Variants in CAB39L observed in about 807,000 individuals in gnomAD.
The protein encoded by CAB39L is calcium-binding protein 39-like.
Under a neutral mutation model 39.1 loss-of-function variants are expected in CAB39L, and 23 were observed. The ratio of observed to expected loss-of-function variants is 0.59; its 90% CI spans 0.42 to 0.83. The LOEUF (loss-of-function observed/expected upper bound fraction) is 0.83, where lower values mean the gene tolerates loss of function less well. Ranked by LOEUF, CAB39L falls within the 40% of genes least tolerant of loss-of-function variation. The probability of loss-of-function intolerance (pLI) is 0.00; values close to 1 mark genes in which losing one functional copy is unlikely to be tolerated. For missense variants in CAB39L, 366 were observed against 391.9 expected, an observed-to-expected ratio of 0.93 and a Z score of 0.56; for synonymous variants, 126 against 137.2, an observed-to-expected ratio of 0.92 and a Z score of 0.57.
chr13:49,334,735 A>G (rs907602626), intron 9 of CAB39L, among the ~76,000 whole-genome samples: 1 of 152,224 alleles, frequency 6.6e-6, no homozygotes, highest in Non-Finnish European at 1.5e-5. Flanking sequence ...TCCAGAGCAC[A>G]ATACAGTAAC....
intron 7 of CAB39L, among the ~76,000 whole-genome samples, chr13:49,348,201 T>C (rs1425039854): frequency 1.3e-5 from 2 of 152,130 alleles, no homozygotes; most frequent in African/African-American, 4.8e-5. Context: ...GCATTGCGGT[T>C]CCTTTCCTCT....
chr13:49,310,784 G>T lies in CAB39L; in HGVS notation c.*30C>A, dbSNP rs766297188. 1.9e-6 allele frequency: 3 copies of T among 1,606,328 alleles called. No individual in the cohort carries two copies. The highest frequency in any genetic ancestry group is 1.1e-5 in the South Asian group (1 of 90,376). On this transcript the variant is annotated 3_prime_UTR_variant, in exon 11 of 11. Coordinates refer to ENST00000409308, the MANE Select transcript of CAB39L (RefSeq NM_001079670.3). The stretch of plus-strand genomic sequence containing the variant: ...ACTGTACAAACTGGACAAATGAGAC[G>T]ACTGACTGTGACAGGGGCCGGGGAG...
In CAB39L at chr13:49,309,226, G is replaced by A. The variant is rs1191622087; in HGVS notation, c.*1588C>T. ...GCCTCCTGCAAGGGCACTGGCCAGGGAGGCCACAGCTGCCAAAGCGGGGAG... is the reference window on the plus strand; with the variant it reads ...GCCTCCTGCAAGGGCACTGGCCAGGAAGGCCACAGCTGCCAAAGCGGGGAG... On this transcript the variant is annotated 3_prime_UTR_variant, in exon 11 of 11. Coordinates refer to ENST00000409308, the MANE Select transcript of CAB39L (RefSeq NM_001079670.3). The A allele has an allele frequency of 6.6e-6, 1 of 152,234 alleles. No homozygotes were observed. The highest frequency in any genetic ancestry group is 6.6e-5 in the Admixed American group (1 of 15,266). 9.4% of individuals were successfully genotyped at this position (152,234 alleles called of 1,614,324 possible).
At chr13:49,396,569 G>C (rs891441295) in intron 3 of CAB39L, among the ~76,000 whole-genome samples, 8 of 152,030 alleles carry the variant, frequency 5.3e-5, no homozygotes, top group Admixed American at 5.2e-4. Flanking sequence ...TTAGCCGGGT[G>C]TGGTGGCAGG....
chr13:49,422,937 AC>A (rs971325406), intron 3 of CAB39L, among the ~76,000 whole-genome samples: 4 of 152,342 alleles, frequency 2.6e-5, no homozygotes. Flanking sequence ...ATGAGATGAT[AC>A]TAGGTCATTT....
chr13:49,311,047 G>A lies in CAB39L; in HGVS notation c.835-54C>T, dbSNP rs555230324. 56 of 1,535,954 alleles carry A rather than the reference G, an allele frequency of 3.6e-5. No individual in the cohort carries two copies. In the East Asian group the frequency reaches 5.9e-4, roughly 16 times the overall value. Reference sequence around the variant, plus strand: ...AGTGCAAGCCAGGGACCTCACCCACGCTACAGCAGTGCAGGCCAGGGACCT... The same window carrying A: ...AGTGCAAGCCAGGGACCTCACCCACACTACAGCAGTGCAGGCCAGGGACCT... On this transcript the variant is annotated intron_variant, in intron 10 of 10. Transcript: ENST00000409308.
intron 7 of CAB39L, 150 bp downstream of exon 7, chr13:49,350,594 A>G (rs1326867091): frequency 3.6e-6 from 2 of 562,058 alleles, no homozygotes; most frequent in Admixed American, 5.9e-5. Flanking sequence ...ACTGCATTCT[A>G]TTTACAGATT....
intron 5 of CAB39L, among the ~76,000 whole-genome samples, chr13:49,375,780 G>C (rs1355457725): frequency 7.0e-6 from 1 of 142,898 alleles, no homozygotes; most frequent in Non-Finnish European, 1.5e-5. Flanking sequence ...ATGTACCCTA[G>C]AACTTAAAGT....
intron 3 of CAB39L, among the ~76,000 whole-genome samples, chr13:49,421,599 C>T (rs1371036166): frequency 6.6e-6 from 1 of 152,050 alleles, no homozygotes; most frequent in African/African-American, 2.4e-5. Flanking sequence ...GGACTTTCAC[C>T]ACCACTTAGC....
chr13:49,349,620 C>T (rs951615565), intron 7 of CAB39L, among the ~76,000 whole-genome samples: 1 of 151,792 alleles, frequency 6.6e-6, no homozygotes, highest in African/African-American at 2.4e-5. Context: ...TGAAGAAAAT[C>T]ATATCTATTT....
At chr13:49,318,047 C>CA (rs1303004608) in intron 10 of CAB39L, among the ~76,000 whole-genome samples, 1 of 151,990 alleles carries the variant, frequency 6.6e-6, no homozygotes, top group East Asian at 1.9e-4. Context: ...AAATGCAAGT[C>CA]AAAATCACAA....
chr13:49,397,248 TAAC>T (rs1364803996), intron 3 of CAB39L, among the ~76,000 whole-genome samples: 1 of 152,138 alleles, frequency 6.6e-6, no homozygotes, highest in East Asian at 1.9e-4. Context: ...AAAGTATAAA[TAAC>T]AACTTTCACT....
intron 10 of CAB39L, among the ~76,000 whole-genome samples, chr13:49,324,282 A>G (rs1954437126): frequency 6.6e-6 from 1 of 152,136 alleles, no homozygotes; most frequent in Non-Finnish European, 1.5e-5. Context: ...ACACCACTGC[A>G]CTCAAGCCTG....
intron 6 of CAB39L, among the ~76,000 whole-genome samples, chr13:49,355,536 G>T (rs1955460954): frequency 6.6e-6 from 1 of 152,002 alleles, no homozygotes; most frequent in African/African-American, 2.4e-5. Context: ...GAAATTTCAG[G>T]TCTTTGTCAG....
intron 3 of CAB39L, among the ~76,000 whole-genome samples, chr13:49,392,571 G>A (rs1332088824): frequency 2.0e-5 from 3 of 152,086 alleles, no homozygotes; most frequent in African/African-American, 7.2e-5. Context: ...AATCCGGGAG[G>A]CAGAGGTTGC....
intron 10 of CAB39L, among the ~76,000 whole-genome samples, chr13:49,313,229 C>T (rs556911116): frequency 6.6e-6 from 1 of 152,222 alleles, no homozygotes; most frequent in South Asian, 2.1e-4. Context: ...TGCCTGTAAT[C>T]CTAGTACTTT....
At chr13:49,374,073 A>G (rs1164484384) in intron 5 of CAB39L, among the ~76,000 whole-genome samples, 1 of 152,218 alleles carries the variant, frequency 6.6e-6, no homozygotes, top group Non-Finnish European at 1.5e-5. Flanking sequence ...ACTCCTTTTC[A>G]TTCATTCATT....
chr13:49,368,896 G>C (rs1008981155), intron 5 of CAB39L, among the ~76,000 whole-genome samples: 1 of 151,870 alleles, frequency 6.6e-6, no homozygotes, highest in African/African-American at 2.4e-5. Context: ...ATGAGAAAAG[G>C]GAAATGAGAA....
chr13:49,379,693 A>G lies in CAB39L; in HGVS notation c.112-2562T>C, dbSNP rs1490771616. On this transcript the variant is annotated intron_variant, in intron 4 of 10. Transcript: ENST00000409308. ...TGAGAAACACCCAAGAATTATCAATAAAAAAATAAATTTAAAAAAAAAAAA... is the reference window on the plus strand; with the variant it reads ...TGAGAAACACCCAAGAATTATCAATGAAAAAATAAATTTAAAAAAAAAAAA... 1.5e-4 allele frequency among the ~76,000 whole-genome samples: 5 copies of G among 33,318 alleles called. 1 individual carries two copies. The highest frequency in any genetic ancestry group is 6.5e-4 in the Admixed American group (3 of 4,592). The allele number at this position is 33,318 out of a possible 152,430, so 21.9% of individuals were successfully genotyped here. A position where few individuals can be genotyped will look rare whatever the true frequency, so the allele number is the denominator to read the frequency against.
Sources: allele counts gnomAD v4.1 joint callset (sites outside exome capture counted in the v4.1 genomes callset), GRCh38; gene constraint gnomAD v4.1.1; transcripts MANE v1.5; gene names NCBI Gene and HGNC (gene_info 2026-07-23, HGNC 2026-07-21).